Variants in TMEM168 observed in about 807,000 individuals in gnomAD.
TMEM168 encodes the protein transmembrane protein 168.
Under a neutral mutation model 53.2 loss-of-function variants are expected in TMEM168, and 40 were observed. The ratio of observed to expected loss-of-function variants is 0.75; its 90% CI spans 0.58 to 0.98. The LOEUF (loss-of-function observed/expected upper bound fraction) is 0.98. TMEM168 is among the 50% of genes least tolerant of loss of function. TMEM168 has a pLI of 0.00. For synonymous variants in TMEM168, 282 were observed against 293.0 expected, an observed-to-expected ratio of 0.96 and a Z score of 0.38; for missense variants, 771 against 828.8, an observed-to-expected ratio of 0.93 and a Z score of 0.86.
chr7:112,776,784 A>C (rs576089962), intron 2 of TMEM168, among the ~76,000 whole-genome samples: 1 of 151,950 alleles, frequency 6.6e-6, no homozygotes, highest in African/African-American at 2.4e-5. Flanking sequence ...AATGGGATAC[A>C]TAATCTATCA....
chr7:112,772,791 C>T lies in TMEM168; in HGVS notation c.1536G>A (p.Trp512Ter). ...YSGHTHGTGE[W>*]ALAGGDTLRL... ...CAAAGGTGAGTTTACCTGCTAGAGC[C>T]CACTCTCCTGTACCATGGGTGTGCC... is the stretch of plus-strand genomic sequence containing the variant. Residue 512 changes from tryptophan to a stop codon, truncating the protein, a stop_gained, in exon 4 of 5, where the codon TGG becomes TGA. Transcript: ENST00000312814. LOFTEE classifies it high-confidence loss of function. 2.5e-6 allele frequency: 4 copies of T among 1,611,450 alleles called. No individual in the cohort carries two copies. The highest frequency in any genetic ancestry group is 3.4e-6 in the Non-Finnish European group (4 of 1,177,876).
At chr7:112,773,429 C>CTG (rs141678833) in intron 3 of TMEM168, among the ~76,000 whole-genome samples, 1 of 151,656 alleles carries the variant, frequency 6.6e-6, no homozygotes, top group African/African-American at 2.4e-5. Context: ...ATTAAAAAAA[C>CTG]TTCTTTAAAA....
intron 3 of TMEM168, among the ~76,000 whole-genome samples, chr7:112,773,868 T>C (rs1792997868): frequency 6.6e-6 from 1 of 152,158 alleles, no homozygotes; most frequent in African/African-American, 2.4e-5. Context: ...AAGGAATACA[T>C]TAAAAAAATT....
rs938812667 is a variant in TMEM168 at position 112,767,203 on chromosome 7, T to C, written c.2088A>G (p.Lys696=). ...TCCCGCTTTGGGGTCCAAATTAAGA[T>C]TTGACAAGTTTGAAGCCTTGTCCTG... ...LDTGQGFKLV[K]S Residue 696 remains lysine (K), a synonymous_variant, in exon 5 of 5, where the codon AAA becomes AAG. Coordinates refer to ENST00000312814, the MANE Select transcript of TMEM168 (RefSeq NM_022484.6). 2 of 1,608,078 alleles carry C rather than the reference T, an allele frequency of 1.2e-6. No homozygotes were observed. Among genetic ancestry groups the C allele is most frequent in the African/African-American group, 2.7e-5 (2 of 74,548 alleles).
rs1483228519 is a variant in TMEM168 at position 112,766,806 on chromosome 7, A to G, written c.*391T>C. On this transcript the variant is annotated 3_prime_UTR_variant, in exon 5 of 5. Coordinates refer to ENST00000312814, the MANE Select transcript of TMEM168 (RefSeq NM_022484.6). ...AGTAAACTGGTAGTTTTCTTAAAAC[A>G]GTAAACAAATTTATCTGGTCTACAT... The G allele has an allele frequency of 6.3e-6, 1 of 159,430 alleles. No individual in the cohort carries two copies. Among genetic ancestry groups the G allele is most frequent in the African/African-American group, 2.4e-5 (1 of 41,654 alleles). The allele number at this position is 159,430 out of a possible 1,614,324, so 9.9% of individuals were successfully genotyped here.
Position 112,775,158 on chromosome 7 carries a change from T to A in TMEM168, c.1271+18A>T. ...TATGAAGTGAATAGTTATCACTAAC[T>A]ATACTAGATTACTGTACCTGCAGAA... On this transcript the variant is annotated intron_variant, in intron 3 of 4. Transcript: ENST00000312814. 1 of 1,582,822 alleles carries A rather than the reference T, an allele frequency of 6.3e-7. No individual in the cohort carries two copies. Among genetic ancestry groups the A allele is most frequent in the Admixed American group, 1.8e-5 (1 of 54,954 alleles).
intron 2 of TMEM168, among the ~76,000 whole-genome samples, 157 bp from the exon 3 acceptor site, chr7:112,775,475 T>C (rs1458640892): frequency 2.6e-5 from 4 of 152,100 alleles, no homozygotes; most frequent in African/African-American, 2.4e-5. Flanking sequence ...AGCAGACACG[T>C]ATACATGGAT....
rs763721025 is a variant in TMEM168 at position 112,772,982 on chromosome 7, T to G, written c.1345A>C (p.Asn449His). The G allele has an allele frequency of 5.0e-6, 8 of 1,614,042 alleles. No individual in the cohort carries two copies. The highest frequency in any genetic ancestry group is 6.8e-6 in the Non-Finnish European group (8 of 1,179,928). ...TATGCAAAAAATCTTTGGATAGCAT[T>G]GAGCATGCCAGTAGACCTCAAATTT... ...ELNLRSTGML[N>H]AIQRFFAYHM... The change falls in exon 4 of 5, where the codon AAT becomes CAT. Residue 449 changes from asparagine (N) to histidine (H), a missense_variant. Coordinates refer to ENST00000312814, the MANE Select transcript of TMEM168 (RefSeq NM_022484.6).
chr7:112,781,238 T>C lies in TMEM168; in HGVS notation c.1128+2460A>G, dbSNP rs145357165. On this transcript the variant is annotated intron_variant, in intron 2 of 4. Coordinates refer to ENST00000312814, the MANE Select transcript of TMEM168 (RefSeq NM_022484.6). ...GACAGAAAATTAACAAGGCTATAGA[T>C]ACATGAACACCACCACCAACCAACT... Among the ~76,000 whole-genome samples the C allele has an allele frequency of 6.4e-3, 981 of 152,108 alleles. 4 individuals are homozygous for C. Among genetic ancestry groups the C allele is most frequent in the Non-Finnish European group, 9.9e-3 (673 of 67,994 alleles).
At chr7:112,775,473 C>T (rs1202597581) in intron 2 of TMEM168, among the ~76,000 whole-genome samples, 155 bp from the exon 3 acceptor site, 2 of 151,914 alleles carry the variant, frequency 1.3e-5, no homozygotes, top group Non-Finnish European at 2.9e-5. Context: ...AAAGCAGACA[C>T]GTATACATGG....
intron 1 of TMEM168, among the ~76,000 whole-genome samples, chr7:112,789,451 A>G (rs1227190): frequency 0.41 from 62,652 of 152,134 alleles, 16,302 homozygotes; most frequent in African/African-American, 0.74. Flanking sequence ...AACAATAGTC[A>G]CCATTGGACA....
chr7:112,783,661 C>T (rs780399320), intron 2 of TMEM168, 37 bp downstream of exon 2: 1 of 1,397,238 alleles, frequency 7.2e-7, no homozygotes, highest in Non-Finnish European at 9.3e-7. Flanking sequence ...CATTTTATTA[C>T]ACGTCATTGG....
In TMEM168 at chr7:112,784,159, G is replaced by T; in HGVS notation, c.667C>A (p.Pro223Thr). 6.2e-7 allele frequency: 1 copy of T among 1,613,998 alleles called. No individual in the cohort carries two copies. The highest frequency in any genetic ancestry group is 8.5e-7 in the Non-Finnish European group (1 of 1,180,004). ...ATAAAAAAACACGCAAAAGCAATCG[G>T]ATTTTTGGGAGTTTCCAATGAGGAA... ...FFSSLETPKN[P>T]IAFACFFICL... Residue 223 changes from proline (P) to threonine (T), a missense_variant, in exon 2 of 5, where the codon CCG (proline) becomes ACG (threonine). Coordinates refer to ENST00000312814, the MANE Select transcript of TMEM168 (RefSeq NM_022484.6).
intron 2 of TMEM168, among the ~76,000 whole-genome samples, chr7:112,776,208 A>C (rs1793078458): frequency 6.6e-6 from 1 of 151,750 alleles, no homozygotes. Context: ...AAAGCACTGA[A>C]CTCTCTAGAT....
rs537413355 is a variant in TMEM168 at position 112,774,887 on chromosome 7, C to A, written c.1271+289G>T. Among the ~76,000 whole-genome samples the A allele has an allele frequency of 2.6e-5, 4 of 152,220 alleles. No individual in the cohort carries two copies. In the East Asian group the frequency reaches 7.7e-4, roughly 29 times the overall value. ...TGAGCCACCACGACCAGCCAGAGGA[C>A]ACTTTCTTAACAAAATATTCCCTTT... On this transcript the variant is annotated intron_variant, in intron 3 of 4. Coordinates refer to ENST00000312814, the MANE Select transcript of TMEM168 (RefSeq NM_022484.6).
rs1163813725 is a variant in TMEM168 at position 112,783,791 on chromosome 7, T to C, written c.1035A>G (p.Ala345=). Residue 345 remains alanine (A), a synonymous_variant, in exon 2 of 5, where the codon GCA becomes GCG. Transcript: ENST00000312814. The part of the protein sequence containing the change: ...TDYNSLDRIM[A]SKGMRHFCLI... ...AGCAAAAATGGCGCATCCCTTTGGA[T>C]GCCATGATTCTATCAAGGCTATTGT... The C allele has an allele frequency of 6.3e-7, 1 of 1,596,788 alleles. No homozygotes were observed. Among genetic ancestry groups the C allele is most frequent in the Admixed American group, 1.8e-5 (1 of 56,914 alleles).
At chr7:112,774,156 G>T (rs1469007718) in intron 3 of TMEM168, among the ~76,000 whole-genome samples, 1 of 152,018 alleles carries the variant, frequency 6.6e-6, no homozygotes, top group Non-Finnish European at 1.5e-5. Flanking sequence ...TTCATTTATG[G>T]CAAAGAATTA....
chr7:112,767,292 T>A lies in TMEM168; in HGVS notation c.1999A>T (p.Lys667Ter). Residue 667 changes from lysine (K) to a stop codon, truncating the protein, a stop_gained, in exon 5 of 5, where the codon AAA (lysine) becomes TAA (stop). Coordinates refer to ENST00000312814, the MANE Select transcript of TMEM168 (RefSeq NM_022484.6). LOFTEE classifies it high-confidence loss of function. ...LCGLNLFWICKTCFRCLKRLK... is the reference protein window; with the variant it reads ...LCGLNLFWIC Reference sequence around the variant, plus strand: ...CTTTTCAAGCACCTAAAACAAGTTTTGCAGATCCAAAAAAGGTTCAGACCG... The same window carrying A: ...CTTTTCAAGCACCTAAAACAAGTTTAGCAGATCCAAAAAAGGTTCAGACCG... 6.2e-7 allele frequency: 1 copy of A among 1,614,162 alleles called. No homozygotes were observed. Among genetic ancestry groups the A allele is most frequent in the Non-Finnish European group, 8.5e-7 (1 of 1,180,012 alleles).
chr7:112,775,497 T>C (rs1793055037), intron 2 of TMEM168, among the ~76,000 whole-genome samples, 179 bp from the exon 3 acceptor site: 1 of 152,112 alleles, frequency 6.6e-6, no homozygotes, highest in South Asian at 2.1e-4. Context: ...AGCTAACTAG[T>C]GCAATAAATC....
Sources: gnomAD v4.1 joint callset for allele counts (sites outside exome capture counted in the v4.1 genomes callset) on GRCh38, gnomAD v4.1.1 for gene constraint, MANE v1.5 for transcripts, NCBI Gene and HGNC (gene_info 2026-07-23, HGNC 2026-07-21) for gene names.